Variants in ATP4B observed in about 807,000 individuals in gnomAD.
ATP4B encodes the protein ATPase H+/K+ transporting subunit beta.
A neutral mutation model predicts 35.3 loss-of-function variants in ATP4B; 27 were observed. The ratio of observed to expected loss-of-function variants is 0.76; its 90% CI spans 0.56 to 1.05. The LOEUF (loss-of-function observed/expected upper bound fraction) is 1.05, where lower values mean the gene tolerates loss of function less well. ATP4B is among the 50% of genes least tolerant of loss of function. The probability of loss-of-function intolerance (pLI) is 0.00; values close to 1 mark genes in which losing one functional copy is unlikely to be tolerated. For missense variants in ATP4B, 375 were observed against 384.8 expected (o/e 0.97, Z 0.21); for synonymous variants, 162 against 156.0 (o/e 1.04, Z -0.29).
chr13:113,653,261 C>T (rs527624239), intron 3 of ATP4B, 60 bp downstream of exon 3: 183 of 1,525,122 alleles, frequency 1.2e-4, no homozygotes, highest in Middle Eastern at 8.1e-4. Context: ...CTCACCCACC[C>T]GCCGCTTCAC....
chr13:113,651,110 G>A (rs2140699649), intron 5 of ATP4B, among the ~76,000 whole-genome samples: 1 of 152,062 alleles, frequency 6.6e-6, no homozygotes, highest in South Asian at 2.1e-4. Flanking sequence ...CTAGTGGGAA[G>A]GCTCCACGCG....
chr13:113,655,576 G>A (rs558173867), intron 1 of ATP4B, among the ~76,000 whole-genome samples: 9 of 152,326 alleles, frequency 5.9e-5, no homozygotes, highest in East Asian at 1.9e-4. Context: ...GGAAGCCACC[G>A]TCCCCGTGGC....
rs886112321 is a variant in ATP4B at position 113,650,787 on chromosome 13, C to T, written c.613-280G>A. ...GACGCAGGTGGGTGAAGCTGGGAGG[C>T]GGCTTGCTTGTCTGTACTCGAGGGT... On this transcript the variant is annotated intron_variant, in intron 5 of 6. Transcript: ENST00000335288. The surrounding 1 kb of genome is among the most constrained non-coding windows in gnomAD (Gnocchi z 5.0). Among the ~76,000 whole-genome samples, 9 of 152,096 alleles carry T rather than the reference C, an allele frequency of 5.9e-5. No individual in the cohort carries two copies. The highest frequency in any genetic ancestry group is 2.2e-4 in the African/African-American group (9 of 41,406).
intron 3 of ATP4B, 112 bp downstream of exon 3, chr13:113,653,209 C>A: frequency 7.2e-7 from 1 of 1,387,432 alleles, no homozygotes; most frequent in East Asian, 2.4e-5. Flanking sequence ...CGTTTCACAC[C>A]TCACCTGCTG....
chr13:113,652,844 G>A (rs765644944), intron 4 of ATP4B, 29 bp downstream of exon 4: 1 of 1,609,202 alleles, frequency 6.2e-7, no homozygotes, highest in East Asian at 2.2e-5. Context: ...CTGTTGTAGT[G>A]GCGTGTGAAG....
At chr13:113,654,546 G>A (rs974321200) in intron 2 of ATP4B, among the ~76,000 whole-genome samples, 1 of 152,230 alleles carries the variant, frequency 6.6e-6, no homozygotes. Flanking sequence ...TAAAGCCAAA[G>A]TCAGATTTTA....
chr13:113,651,497 T>TA (rs1782303168), intron 5 of ATP4B, among the ~76,000 whole-genome samples, 174 bp downstream of exon 5: 1 of 152,266 alleles, frequency 6.6e-6, no homozygotes. Flanking sequence ...TGCTGGGTTT[T>TA]ACCCGCCATG....
chr13:113,650,807 G>A lies in ATP4B; in HGVS notation c.613-300C>T, dbSNP rs1037639474. Among the ~76,000 whole-genome samples, 1 of 152,144 alleles carries A rather than the reference G, an allele frequency of 6.6e-6. No homozygotes were observed. The highest frequency in any genetic ancestry group is 1.5e-5 in the Non-Finnish European group (1 of 68,024). ...GGAGGCGGCTTGCTTGTCTGTACTC[G>A]AGGGTAGCCACTGCTCAGTGGCAAG... On this transcript the variant is annotated intron_variant, in intron 5 of 6. Coordinates refer to ENST00000335288, the MANE Select transcript of ATP4B (RefSeq NM_000705.4). The surrounding 1 kb of genome is among the most constrained non-coding windows in gnomAD (Gnocchi z 5.0).
In ATP4B at chr13:113,654,911, G is replaced by C. The variant is rs11164142; in HGVS notation, c.144C>G (p.Tyr48Ter). ...VWISLYYVAF[Y>*]VVMTGLFALC... is the part of the protein sequence containing the mutation. The stretch of plus-strand genomic sequence containing the variant: ...GGGCGAAGAGCCCAGTCATCACCAC[G>C]TAGAAGGCCACGTAGTACAGGCTGA... The change falls in exon 2 of 7, where the codon TAC (tyrosine) becomes TAG (stop). Residue 48 changes from tyrosine to a stop codon, truncating the protein, a stop_gained. Transcript: ENST00000335288. LOFTEE classifies it high-confidence loss of function. The C allele has an allele frequency of 3.1e-6, 5 of 1,613,952 alleles. No individual in the cohort carries two copies. The highest frequency in any genetic ancestry group is 1.7e-5 in the Admixed American group (1 of 60,008).
At chr13:113,651,644 C>T (rs577904798) in intron 5 of ATP4B, 27 bp downstream of exon 5, 2 of 1,583,766 alleles carry the variant, frequency 1.3e-6, no homozygotes, top group Non-Finnish European at 1.7e-6. Flanking sequence ...CCTGGGGCAG[C>T]CCTGCCCGCC....
chr13:113,655,348 G>T (rs2049745836), intron 1 of ATP4B, among the ~76,000 whole-genome samples: 1 of 152,216 alleles, frequency 6.6e-6, no homozygotes, highest in South Asian at 2.1e-4. Flanking sequence ...CAGAGAGGTG[G>T]GGTCCTGCCC....
At chr13:113,652,064 G>T (rs1356975350) in intron 4 of ATP4B, among the ~76,000 whole-genome samples, 2 of 152,186 alleles carry the variant, frequency 1.3e-5, no homozygotes, top group East Asian at 3.9e-4. Context: ...ACAGAGCACG[G>T]GCCGGCCTGC....
chr13:113,652,822 G>A lies in ATP4B; in HGVS notation c.555+51C>T, dbSNP rs1415910008. 9 of 1,593,652 alleles carry A rather than the reference G, an allele frequency of 5.6e-6. No individual in the cohort carries two copies. The African/African-American group carries it at 6.7e-5, about 12-fold the overall frequency. The stretch of plus-strand genomic sequence containing the variant: ...TCCTCGTGGTGGGTGTGGGTGAGAG[G>A]CCCTGACTGCACTGTTGTAGTGGCG... On this transcript the variant is annotated intron_variant, in intron 4 of 6. Coordinates refer to ENST00000335288, the MANE Select transcript of ATP4B (RefSeq NM_000705.4).
At chr13:113,652,520 G>T (rs1178210458) in intron 4 of ATP4B, among the ~76,000 whole-genome samples, 4 of 152,254 alleles carry the variant, frequency 2.6e-5, no homozygotes, top group Non-Finnish European at 5.9e-5. Flanking sequence ...GCTTTAGAAG[G>T]TGCTAAACCC....
chr13:113,656,917 C>T (rs571682770), intron 1 of ATP4B, among the ~76,000 whole-genome samples: 100 of 152,260 alleles, frequency 6.6e-4, no homozygotes, highest in African/African-American at 2.4e-3. Flanking sequence ...CAGCTCCTTC[C>T]CCATCCTGGC....
In ATP4B at chr13:113,650,542, G is replaced by A. The variant is rs763927930; in HGVS notation, c.613-35C>T. 6.4e-7 allele frequency: 1 copy of A among 1,560,788 alleles called. No individual in the cohort carries two copies. Among genetic ancestry groups the A allele is most frequent in the African/African-American group, 1.4e-5 (1 of 73,746 alleles). ...AGAGGCCACTGCCTGAGTCAGGCGG[G>A]AGCTGGTGTGTGCCGGTGTCTGTGT... On this transcript the variant is annotated intron_variant, in intron 5 of 6. Transcript: ENST00000335288. The surrounding 1 kb of genome is among the most constrained non-coding windows in gnomAD (Gnocchi z 5.0).
chr13:113,651,296 A>G (rs1163385774), intron 5 of ATP4B, among the ~76,000 whole-genome samples: 1 of 152,262 alleles, frequency 6.6e-6, no homozygotes, highest in Non-Finnish European at 1.5e-5. Context: ...CTGTATACTA[A>G]ACACAGTTAA....
intron 4 of ATP4B, 43 bp downstream of exon 4, chr13:113,652,830 T>G (rs776873874): frequency 2.5e-6 from 4 of 1,604,840 alleles, no homozygotes; most frequent in Non-Finnish European, 3.4e-6. Flanking sequence ...AGGCCCTGAC[T>G]GCACTGTTGT....
chr13:113,653,421 C>A lies in ATP4B; in HGVS notation c.255G>T (p.Arg85Ser), dbSNP rs200666442. The A allele has an allele frequency of 4.3e-6, 7 of 1,614,088 alleles. No individual in the cohort carries two copies. The African/African-American group carries it at 5.3e-5, about 12-fold the overall frequency. The change falls in exon 3 of 7, where the codon AGG becomes AGT. Residue 85 changes from arginine (R) to serine (S), a missense_variant. Transcript: ENST00000335288. ...GGCCTTTCTCCCCGTAAACATCCGG[C>A]CTTAAGGTTACCCCTGGAGAGAGAG... is the stretch of plus-strand genomic sequence containing the variant. ...DQLRSPGVTL[R>S]PDVYGEKGLE...
Sources: allele counts gnomAD v4.1 joint callset (sites outside exome capture counted in the v4.1 genomes callset), GRCh38; gene constraint gnomAD v4.1.1; non-coding constraint Gnocchi (gnomAD v3.1); transcripts MANE v1.5; gene names NCBI Gene and HGNC (gene_info 2026-07-23, HGNC 2026-07-21).